Variants in PCDH11X observed in about 807,000 individuals in gnomAD.
PCDH11X encodes protocadherin 11 X-linked.
A neutral mutation model predicts 53.3 loss-of-function variants in PCDH11X; 18 were observed. The ratio of observed to expected loss-of-function variants is 0.34; its 90% CI spans 0.23 to 0.50. PCDH11X has a LOEUF of 0.50. PCDH11X is among the 20% of genes least tolerant of loss of function. The pLI, the probability that PCDH11X is intolerant of heterozygous loss-of-function variation, is 0.98. For missense variants in PCDH11X, 570 were observed against 1,032.4 expected, an observed-to-expected ratio of 0.55 and a Z score of 6.14; for synonymous variants, 279 against 393.3, an observed-to-expected ratio of 0.71 and a Z score of 3.44.
At chrX:92,002,055 T>C (rs2062520166) in intron 6 of PCDH11X, among the ~76,000 whole-genome samples, 1 of 101,838 alleles carries the variant, frequency 9.8e-6, no homozygotes, top group Non-Finnish European at 2.0e-5. Context: ...AAGTCTTTAA[T>C]CCATTTTCAT....
At chrX:92,522,648 G>A (rs1461192586) in intron 10 of PCDH11X, among the ~76,000 whole-genome samples, 1 of 111,996 alleles carries the variant, frequency 8.9e-6, no homozygotes. Flanking sequence ...GCAGTAAAAC[G>A]TGGTATGCTT....
chrX:91,924,439 T>G (rs1941861109), intron 6 of PCDH11X, among the ~76,000 whole-genome samples: 1 of 111,627 alleles, frequency 9.0e-6, no homozygotes, highest in Non-Finnish European at 1.9e-5. Context: ...AGACCCATTT[T>G]GGAACTCTGA....
chrX:92,195,407 T>G (rs1327180659), intron 6 of PCDH11X, among the ~76,000 whole-genome samples: 1 of 111,764 alleles, frequency 8.9e-6, no homozygotes, highest in Non-Finnish European at 1.9e-5. Flanking sequence ...GGCAAAACCC[T>G]TGGAATCCTT....
At chrX:92,528,348 A>G (rs2074494317) in intron 10 of PCDH11X, among the ~76,000 whole-genome samples, 1 of 111,943 alleles carries the variant, frequency 8.9e-6, no homozygotes, top group Non-Finnish European at 1.9e-5. Context: ...GCTGAAGTGC[A>G]ATGGCGCAAT....
intron 6 of PCDH11X, among the ~76,000 whole-genome samples, chrX:92,035,109 T>G (rs1336575040): frequency 2.7e-5 from 3 of 111,616 alleles, no homozygotes; most frequent in Non-Finnish European, 5.7e-5. Flanking sequence ...TATACTGTCT[T>G]GTAATTATTA....
rs1344939190 is a variant in PCDH11X, at chrX:92,306,309, G to T, written c.3144+43166G>T. Reference sequence around the variant, plus strand: ...AAAATAATCTCAAATCAACAACCTAGCTTTACATCATAAAGAATTAGAGAA... The same window carrying T: ...AAAATAATCTCAAATCAACAACCTATCTTTACATCATAAAGAATTAGAGAA... On this transcript the variant is annotated intron_variant, in intron 8 of 10. Coordinates refer to ENST00000682573, the MANE Select transcript of PCDH11X (RefSeq NM_032968.5). 2.4e-4 allele frequency among the ~76,000 whole-genome samples: 25 copies of T among 104,736 alleles called. 1 individual carries two copies. The South Asian group carries it at 8.0e-3, about 33-fold the overall frequency. The allele number at this position is 104,736 out of a possible 115,157, so 91.0% of individuals were successfully genotyped here. A position where few individuals can be genotyped will look rare whatever the true frequency, so the allele number is the denominator to read the frequency against.
intron 6 of PCDH11X, among the ~76,000 whole-genome samples, chrX:91,898,565 T>C (rs1271576412): frequency 9.2e-6 from 1 of 108,689 alleles, no homozygotes; most frequent in East Asian, 2.9e-4. Context: ...ACTGACAATA[T>C]TGACTAAGTG....
intron 8 of PCDH11X, among the ~76,000 whole-genome samples, chrX:92,326,637 TATAGAGAG>T (rs1186958494): frequency 2.0e-5 from 1 of 50,058 alleles, no homozygotes; most frequent in East Asian, 1.7e-3. Context: ...TATATATATA[TATAGAGAG>T]AGAGAGAGAG....
Position 92,078,115 on chromosome X carries a change from C to A in PCDH11X, c.3034-123260C>A, listed in dbSNP as rs1158379878. Among the ~76,000 whole-genome samples the A allele has an allele frequency of 2.8e-5, 3 of 107,817 alleles. No homozygotes were observed. In the East Asian group the frequency reaches 8.7e-4, roughly 31 times the overall value. The allele number at this position is 107,817 out of a possible 115,157, so 93.6% of individuals were successfully genotyped here. ...GCCCTCTTCTGCGTACCTGTTATCA[C>A]CAGTTATAAAAAAAAATTGTCTCTT... On this transcript the variant is annotated intron_variant, in intron 6 of 10. Coordinates refer to ENST00000682573, the MANE Select transcript of PCDH11X (RefSeq NM_032968.5).
intron 6 of PCDH11X, among the ~76,000 whole-genome samples, chrX:92,054,435 A>G (rs146593985): frequency 0.015 from 1,690 of 112,009 alleles, 34 homozygotes; most frequent in African/African-American, 0.052. Flanking sequence ...TCAAAGCCTG[A>G]TAAATAAGAA....
chrX:91,917,220 G>A (rs1391865807), intron 6 of PCDH11X, among the ~76,000 whole-genome samples: 1 of 108,064 alleles, frequency 9.3e-6, no homozygotes, highest in South Asian at 4.2e-4. Context: ...AAATGGGGAA[G>A]GTTGGAAAGA....
intron 6 of PCDH11X, among the ~76,000 whole-genome samples, chrX:92,197,771 A>G (rs1167769911): frequency 8.9e-6 from 1 of 111,969 alleles, no homozygotes; most frequent in Non-Finnish European, 1.9e-5. Flanking sequence ...TTTGGTAGCT[A>G]AAATAAAGTG....
At chrX:92,044,747 T>C (rs1292362727) in intron 6 of PCDH11X, among the ~76,000 whole-genome samples, 1 of 102,841 alleles carries the variant, frequency 9.7e-6, no homozygotes, top group Non-Finnish European at 1.9e-5. Flanking sequence ...CAAGATAAAA[T>C]TCATGAATTC....
At chrX:92,384,713 T>A (rs1375746440) in intron 8 of PCDH11X, among the ~76,000 whole-genome samples, 6 of 105,019 alleles carry the variant, frequency 5.7e-5, no homozygotes, top group Non-Finnish European at 1.2e-4. Flanking sequence ...TTTATCGATC[T>A]GGGTGGTGCC....
chrX:92,449,659 A>C (rs977520202), intron 9 of PCDH11X, among the ~76,000 whole-genome samples: 1 of 111,407 alleles, frequency 9.0e-6, no homozygotes, highest in Non-Finnish European at 1.9e-5. Context: ...TGAATCATAC[A>C]TGAGAGCTCA....
chrX:92,256,240 A>T (rs907631193), intron 7 of PCDH11X, among the ~76,000 whole-genome samples: 1 of 111,521 alleles, frequency 9.0e-6, no homozygotes, highest in African/African-American at 3.3e-5. Context: ...TTTGATTAGG[A>T]AAGGGAACTC....
At chrX:92,221,002 T>C (rs1194441059) in intron 7 of PCDH11X, among the ~76,000 whole-genome samples, 1 of 84,190 alleles carries the variant, frequency 1.2e-5, no homozygotes, top group Non-Finnish European at 2.2e-5. Context: ...TGAACAATGA[T>C]AACACATGGA....
chrX:92,113,286 G>T lies in PCDH11X; in HGVS notation c.3034-88089G>T, dbSNP rs2064560407. 5.0e-6 allele frequency: 6 copies of T among 1,201,475 alleles called. No homozygotes were observed. In the East Asian group the frequency reaches 1.8e-4, roughly 36 times the overall value. On this transcript the variant is annotated intron_variant, in intron 6 of 10. Transcript: ENST00000682573. Reference sequence around the variant, plus strand: ...TTGGGGGCATTTCCTCAATGGAGGTGTTGTAGAAGGTCTCAATGTCTCGAA... The same window carrying T: ...TTGGGGGCATTTCCTCAATGGAGGTTTTGTAGAAGGTCTCAATGTCTCGAA...
intron 6 of PCDH11X, among the ~76,000 whole-genome samples, chrX:92,056,256 G>A (rs2063447626): frequency 9.0e-6 from 1 of 111,437 alleles, no homozygotes; most frequent in African/African-American, 3.3e-5. Context: ...TTTCATTGTG[G>A]TTTGGATTGG....
Sources: gnomAD v4.1 joint callset for allele counts (sites outside exome capture counted in the v4.1 genomes callset) on GRCh38, gnomAD v4.1.1 for gene constraint, MANE v1.5 for transcripts, NCBI Gene and HGNC (gene_info 2026-07-23, HGNC 2026-07-21) for gene names.